OPCML: variants seen among roughly 807,000 people sequenced by gnomAD.
OPCML encodes the protein opioid-binding protein/cell adhesion molecule.
OPCML carries 13 observed loss-of-function variants against 37.8 expected under a neutral mutation model. The observed-to-expected ratio is 0.34, with a 90% CI of 0.22 to 0.55. The LOEUF (loss-of-function observed/expected upper bound fraction) is 0.55. Among genes scored for constraint, OPCML ranks in the 20% least tolerant of loss-of-function variants. The pLI, the probability that OPCML is intolerant of heterozygous loss-of-function variation, is 0.91. For missense variants in OPCML, 341 were observed against 435.6 expected (o/e 0.78, Z 1.93); for synonymous variants, 176 against 168.8 (o/e 1.04, Z -0.33).
At chr11:133,421,400 A>C in intron 1 of OPCML, 1 of 985,418 alleles carries the variant, frequency 1.0e-6, no homozygotes, top group Non-Finnish European at 1.2e-6. Context: ...AAGAAGAGAA[A>C]TCAGGCATTT....
chr11:132,504,603 G>C (rs769075110), intron 4 of OPCML, among the ~76,000 whole-genome samples: 2 of 151,948 alleles, frequency 1.3e-5, no homozygotes, highest in African/African-American at 4.8e-5. Context: ...CAGGCTCCAG[G>C]CTCCAGGCTG....
chr11:133,001,708 C>G (rs1947007173), intron 1 of OPCML, among the ~76,000 whole-genome samples: 1 of 152,174 alleles, frequency 6.6e-6, no homozygotes, highest in Admixed American at 6.5e-5. Context: ...AAAGTGGAGA[C>G]CAATGAGGGA....
At chr11:132,664,313 C>T (rs775967307) in intron 2 of OPCML, among the ~76,000 whole-genome samples, 3 of 152,018 alleles carry the variant, frequency 2.0e-5, no homozygotes, top group Admixed American at 1.3e-4. Context: ...GTCTCTCTTC[C>T]CATCCTTGAC....
intron 1 of OPCML, among the ~76,000 whole-genome samples, chr11:133,307,982 T>C (rs967499748): frequency 3.3e-5 from 5 of 152,114 alleles, no homozygotes; most frequent in African/African-American, 1.2e-4. Context: ...GAATCATGTT[T>C]AGTGTAAGAG....
At chr11:132,647,033 G>A (rs1277966047) in intron 3 of OPCML, among the ~76,000 whole-genome samples, 1 of 152,212 alleles carries the variant, frequency 6.6e-6, no homozygotes, top group Non-Finnish European at 1.5e-5. Context: ...CTTAAGCAGA[G>A]GCAACCTGAC....
intron 1 of OPCML, among the ~76,000 whole-genome samples, chr11:133,172,472 G>A (rs191377542): frequency 7.6e-4 from 116 of 152,332 alleles, no homozygotes; most frequent in Admixed American, 4.8e-3. Context: ...GTTTCAGGCA[G>A]AGAAAACCCC....
chr11:133,284,833 G>A (rs938660239), intron 1 of OPCML, among the ~76,000 whole-genome samples: 11 of 151,990 alleles, frequency 7.2e-5, no homozygotes, highest in Admixed American at 5.2e-4. Context: ...TAGGTCTTAT[G>A]AAATAATTTA....
chr11:133,340,372 G>A (rs562738039), intron 1 of OPCML, among the ~76,000 whole-genome samples: 7 of 152,244 alleles, frequency 4.6e-5, no homozygotes, highest in South Asian at 4.1e-4. Flanking sequence ...GTGTGGAATC[G>A]ATGGCAAAGT....
intron 1 of OPCML, among the ~76,000 whole-genome samples, chr11:133,379,579 T>C (rs558681050): frequency 6.6e-6 from 1 of 152,248 alleles, no homozygotes; most frequent in South Asian, 2.1e-4. Context: ...CTTCGCCTTG[T>C]GGGGTATTTT....
chr11:133,127,507 T>C lies in OPCML; in HGVS notation c.62-184497A>G, dbSNP rs566207657. ...AATTAGCCAGGCATGGTGATGCATG[T>C]CTGTAGTCCCAGCTACTCAGGAGGC... On this transcript the variant is annotated intron_variant, in intron 1 of 7. Transcript: ENST00000524381. 9.8e-4 allele frequency among the ~76,000 whole-genome samples: 149 copies of C among 151,704 alleles called. 1 individual carries two copies. The highest frequency in any genetic ancestry group is 3.6e-3 in the African/African-American group (148 of 41,342).
chr11:132,892,037 T>G (rs575830330), intron 2 of OPCML, among the ~76,000 whole-genome samples: 1 of 152,322 alleles, frequency 6.6e-6, no homozygotes, highest in Admixed American at 6.5e-5. Context: ...TTTCCAACAG[T>G]GTTGAAGAAT....
chr11:132,767,007 G>T (rs1178715706), intron 2 of OPCML, among the ~76,000 whole-genome samples: 1 of 152,092 alleles, frequency 6.6e-6, no homozygotes, highest in Non-Finnish European at 1.5e-5. Flanking sequence ...GATTCACACA[G>T]ATATGTACAT....
intron 1 of OPCML, among the ~76,000 whole-genome samples, chr11:133,393,326 A>G (rs1027808945): frequency 6.6e-6 from 1 of 152,230 alleles, no homozygotes; most frequent in Non-Finnish European, 1.5e-5. Flanking sequence ...TGTGATCAGA[A>G]GCTCACAGGA....
At chr11:132,426,619 A>G (rs1449187101) in intron 7 of OPCML, among the ~76,000 whole-genome samples, 1 of 152,086 alleles carries the variant, frequency 6.6e-6, no homozygotes, top group African/African-American at 2.4e-5. Context: ...TTTTGTAGAG[A>G]TGGGGTTTCA....
intron 1 of OPCML, among the ~76,000 whole-genome samples, chr11:133,219,262 G>GTTCT (rs1939711843): frequency 6.6e-6 from 1 of 152,162 alleles, no homozygotes; most frequent in African/African-American, 2.4e-5. Flanking sequence ...TAGTCTTAGG[G>GTTCT]TTCTTGAAGT....
rs187219037 is a variant in OPCML at position 132,849,050 on chromosome 11, A to G, written c.146+93876T>C. Among the ~76,000 whole-genome samples the G allele has an allele frequency of 7.9e-5, 12 of 152,370 alleles. No homozygotes were observed. The East Asian group carries it at 2.3e-3, about 29-fold the overall frequency. On this transcript the variant is annotated intron_variant, in intron 2 of 7. Transcript: ENST00000524381. ...AATGGGACCACAGCATGATGATGAC[A>G]GAAGGAAATAGGATCAGAACTTCTT...
chr11:132,628,759 G>C (rs986467227), intron 3 of OPCML, among the ~76,000 whole-genome samples: 1 of 152,060 alleles, frequency 6.6e-6, no homozygotes, highest in African/African-American at 2.4e-5. Context: ...AATTGAATGA[G>C]GGGGGGCAGT....
At chr11:133,237,592 A>G (rs1008573902) in intron 1 of OPCML, among the ~76,000 whole-genome samples, 3 of 152,224 alleles carry the variant, frequency 2.0e-5, no homozygotes, top group African/African-American at 7.2e-5. Flanking sequence ...AAGGCAGCCA[A>G]GAGTTATGGA....
At chr11:133,484,623 A>C (rs1457983304) in intron 1 of OPCML, among the ~76,000 whole-genome samples, 1 of 152,202 alleles carries the variant, frequency 6.6e-6, no homozygotes, top group East Asian at 1.9e-4. Flanking sequence ...ATAAGGCTAC[A>C]ACCATGCTGT....
Sources: gnomAD v4.1 joint callset for allele counts (sites outside exome capture counted in the v4.1 genomes callset) on GRCh38, gnomAD v4.1.1 for gene constraint, MANE v1.5 for transcripts, NCBI Gene and HGNC (gene_info 2026-07-23, HGNC 2026-07-21) for gene names.